The following RNF150 variants were observed in gnomAD, a reference collection of about 807,000 sequenced individuals.
The protein encoded by RNF150 is ring finger protein 150.
Under a neutral mutation model 39.3 loss-of-function variants are expected in RNF150, and 24 were observed. The observed-to-expected ratio is 0.61, with a 90% CI of 0.44 to 0.86. The LOEUF (loss-of-function observed/expected upper bound fraction) is 0.86. Ranked by LOEUF, RNF150 falls within the 40% of genes least tolerant of loss-of-function variation. The probability of loss-of-function intolerance (pLI) is 0.00; values close to 1 mark genes in which losing one functional copy is unlikely to be tolerated. For synonymous variants in RNF150, 255 were observed against 227.3 expected (o/e 1.12, Z -1.10); for missense variants, 502 against 587.8 (o/e 0.85, Z 1.51).
chr4:141,040,098 C>T (rs1164159523), intron 1 of RNF150, among the ~76,000 whole-genome samples: 1 of 152,032 alleles, frequency 6.6e-6, no homozygotes, highest in Admixed American at 6.6e-5. Flanking sequence ...ACCTTTGCTG[C>T]TATGTTTGGT....
chr4:140,944,149 C>T (rs6537023), intron 4 of RNF150, among the ~76,000 whole-genome samples: 92,997 of 151,964 alleles, frequency 0.61, 28,791 homozygotes, highest in Non-Finnish European at 0.64. Context: ...ACTTACTCTC[C>T]GTGCAAGAGA....
intron 1 of RNF150, among the ~76,000 whole-genome samples, chr4:141,207,398 A>C (rs1486907626): frequency 6.6e-6 from 1 of 152,158 alleles, no homozygotes; most frequent in South Asian, 2.1e-4. Flanking sequence ...TGTGGGAAAC[A>C]CTTGACCCCA....
intron 1 of RNF150, among the ~76,000 whole-genome samples, chr4:141,036,472 A>C (rs1051284211): frequency 6.6e-6 from 1 of 152,150 alleles, no homozygotes; most frequent in African/African-American, 2.4e-5. Flanking sequence ...CCTGTTGTGC[A>C]GTAGATCTCG....
chr4:140,893,565 CACCTTATTAGGT>C (rs1729834257), intron 6 of RNF150, among the ~76,000 whole-genome samples: 1 of 152,154 alleles, frequency 6.6e-6, no homozygotes, highest in East Asian at 1.9e-4. Context: ...TTTCCAACTC[CACCTTATTAGGT>C]ACCTTTTAAG....
intron 1 of RNF150, among the ~76,000 whole-genome samples, chr4:141,051,700 C>T (rs140452897): frequency 1.9e-3 from 290 of 152,304 alleles, no homozygotes; most frequent in African/African-American, 6.7e-3. Flanking sequence ...ATATCATTAT[C>T]GGCATTTTGG....
At chr4:140,954,238 G>A (rs1369737057) in intron 2 of RNF150, among the ~76,000 whole-genome samples, 1 of 152,030 alleles carries the variant, frequency 6.6e-6, no homozygotes, top group African/African-American at 2.4e-5. Flanking sequence ...TTTTGAGACA[G>A]AGTTGTGCTC....
chr4:140,994,931 A>T (rs760674258), intron 1 of RNF150, among the ~76,000 whole-genome samples: 7 of 152,334 alleles, frequency 4.6e-5, no homozygotes, highest in Non-Finnish European at 1.0e-4. Context: ...AATAATAATC[A>T]TATCAGGGTA....
chr4:140,945,517 A>G (rs1196766144), intron 4 of RNF150, among the ~76,000 whole-genome samples: 1 of 149,226 alleles, frequency 6.7e-6, no homozygotes, highest in Non-Finnish European at 1.5e-5. Flanking sequence ...ATATACACAC[A>G]CTACATATAT....
At chr4:141,001,077 A>T (rs572933388) in intron 1 of RNF150, among the ~76,000 whole-genome samples, 4 of 152,220 alleles carry the variant, frequency 2.6e-5, no homozygotes, top group Admixed American at 6.5e-5. Flanking sequence ...CACAGATTCA[A>T]CACATTAAGA....
chr4:141,192,036 T>C (rs1728119023), intron 1 of RNF150, among the ~76,000 whole-genome samples: 1 of 152,188 alleles, frequency 6.6e-6, no homozygotes, highest in Non-Finnish European at 1.5e-5. Flanking sequence ...TTCTCCCTTT[T>C]CTGGTCAAGA....
intron 6 of RNF150, among the ~76,000 whole-genome samples, chr4:140,880,212 T>C (rs900151791): frequency 4.6e-5 from 7 of 152,232 alleles, no homozygotes; most frequent in South Asian, 4.1e-4. Flanking sequence ...TAAAAGCATG[T>C]TGAATTTTTT....
At chr4:140,962,876 G>A (rs2111410502) in intron 2 of RNF150, among the ~76,000 whole-genome samples, 1 of 151,984 alleles carries the variant, frequency 6.6e-6, no homozygotes, top group African/African-American at 2.4e-5. Flanking sequence ...ACTACTATGT[G>A]GCCATAAAAA....
chr4:141,109,295 TC>T (rs1306620650), intron 1 of RNF150, among the ~76,000 whole-genome samples: 1 of 152,088 alleles, frequency 6.6e-6, no homozygotes, highest in Non-Finnish European at 1.5e-5. Flanking sequence ...TAGCTAGTAT[TC>T]TGAAGCCATT....
chr4:141,212,575 GCTT>G (rs755026936), intron 1 of RNF150, among the ~76,000 whole-genome samples: 46 of 152,220 alleles, frequency 3.0e-4, no homozygotes, highest in Non-Finnish European at 6.2e-4. Flanking sequence ...ATTCCTACTA[GCTT>G]CTTCTGTGTG....
chr4:141,200,953 C>T (rs1156974672), intron 1 of RNF150, among the ~76,000 whole-genome samples: 2 of 152,156 alleles, frequency 1.3e-5, no homozygotes, highest in East Asian at 1.9e-4. Context: ...GTTAGGACTC[C>T]TTTGGTTGCA....
chr4:140,875,485 T>C (rs1452046924), intron 6 of RNF150, among the ~76,000 whole-genome samples: 2 of 152,192 alleles, frequency 1.3e-5, no homozygotes, highest in Non-Finnish European at 2.9e-5. Flanking sequence ...CCATAATCTG[T>C]TCTTGAGTTG....
intron 1 of RNF150, among the ~76,000 whole-genome samples, chr4:140,986,756 C>G (rs1734028652): frequency 1.3e-5 from 2 of 151,902 alleles, no homozygotes; most frequent in South Asian, 4.1e-4. Context: ...TAGTATATTA[C>G]AATTATGAAG....
At chr4:140,960,491 G>T (rs1409084312) in intron 2 of RNF150, among the ~76,000 whole-genome samples, 5 of 152,130 alleles carry the variant, frequency 3.3e-5, no homozygotes, top group Admixed American at 6.6e-5. Flanking sequence ...AAGCTTCTAA[G>T]AAAAAGGTCT....
intron 1 of RNF150, among the ~76,000 whole-genome samples, chr4:141,040,499 AT>A (rs1464303819): frequency 2.6e-5 from 4 of 152,104 alleles, no homozygotes; most frequent in Admixed American, 6.6e-5. Context: ...TCTTTTATAT[AT>A]TTTTTTGTGA....
Sources: allele counts gnomAD v4.1 joint callset (sites outside exome capture counted in the v4.1 genomes callset), GRCh38; gene constraint gnomAD v4.1.1; transcripts MANE v1.5; gene names NCBI Gene and HGNC (gene_info 2026-07-23, HGNC 2026-07-21).